WWOX: variants seen among roughly 807,000 people sequenced by gnomAD.
WWOX encodes WW domain-containing oxidoreductase.
A neutral mutation model predicts 46.2 loss-of-function variants in WWOX; 69 were observed. That is an observed-to-expected ratio of 1.49 (90% CI 1.23 to 1.82). The LOEUF is 1.82. Ranked by LOEUF, WWOX falls within the 40% of genes most tolerant of loss-of-function variation. WWOX has a pLI of 0.00. For missense variants in WWOX, 919 were observed against 542.6 expected, an observed-to-expected ratio of 1.69 and a Z score of -6.89; for synonymous variants, 359 against 202.6, an observed-to-expected ratio of 1.77 and a Z score of -6.56.
intron 8 of WWOX, among the ~76,000 whole-genome samples, chr16:79,134,872 A>T (rs571883663): frequency 6.6e-6 from 1 of 152,310 alleles, no homozygotes; most frequent in African/African-American, 2.4e-5. Flanking sequence ...GGAGAAAGCA[A>T]CTGCATTCCC....
At chr16:79,031,628 TGAG>T (rs2047756170) in intron 8 of WWOX, among the ~76,000 whole-genome samples, 1 of 151,658 alleles carries the variant, frequency 6.6e-6, no homozygotes, top group African/African-American at 2.4e-5. Context: ...TTTTTAAAAT[TGAG>T]GTAAATTTAC....
At chr16:78,617,648 T>TGCTCCTCAA (rs1954940729) in intron 8 of WWOX, among the ~76,000 whole-genome samples, 1 of 152,122 alleles carries the variant, frequency 6.6e-6, no homozygotes, top group Non-Finnish European at 1.5e-5. Context: ...TGAGTCCCCC[T>TGCTCCTCAA]GCTCCTCAAG....
At chr16:79,126,368 C>T (rs1002182001) in intron 8 of WWOX, among the ~76,000 whole-genome samples, 5 of 152,172 alleles carry the variant, frequency 3.3e-5, no homozygotes, top group African/African-American at 9.6e-5. Context: ...GTAATCCCCA[C>T]GTGTCAAAGG....
At chr16:79,154,925 A>G (rs2050351726) in intron 8 of WWOX, among the ~76,000 whole-genome samples, 1 of 152,232 alleles carries the variant, frequency 6.6e-6, no homozygotes, top group African/African-American at 2.4e-5. Flanking sequence ...TGAAAGAAAG[A>G]AAGAAGAGGA....
At chr16:78,544,492 C>G (rs1262446421) in intron 8 of WWOX, among the ~76,000 whole-genome samples, 1 of 152,196 alleles carries the variant, frequency 6.6e-6, no homozygotes, top group Non-Finnish European at 1.5e-5. Context: ...AGTCACAGAG[C>G]TGCTGAGTGG....
intron 5 of WWOX, among the ~76,000 whole-genome samples, chr16:78,204,494 T>G (rs541470191): frequency 7.3e-6 from 1 of 137,638 alleles, no homozygotes; most frequent in South Asian, 2.4e-4. Context: ...TGTCAAATAG[T>G]AGGTCTTATT....
intron 8 of WWOX, among the ~76,000 whole-genome samples, chr16:78,851,054 G>C (rs2052430969): frequency 6.6e-6 from 1 of 152,190 alleles, no homozygotes; most frequent in Non-Finnish European, 1.5e-5. Context: ...ATTTGAAAGA[G>C]GGTAGGTGTG....
At chr16:78,607,002 T>A (rs1309547369) in intron 8 of WWOX, among the ~76,000 whole-genome samples, 3 of 152,150 alleles carry the variant, frequency 2.0e-5, no homozygotes, top group Non-Finnish European at 4.4e-5. Context: ...TGTTTTTGTC[T>A]GTCTGCCCAC....
chr16:78,423,291 CAT>C (rs912217804), intron 6 of WWOX, among the ~76,000 whole-genome samples: 1 of 152,066 alleles, frequency 6.6e-6, no homozygotes, highest in African/African-American at 2.4e-5. Context: ...TATTTTATAA[CAT>C]AAATGTTTTA....
intron 5 of WWOX, among the ~76,000 whole-genome samples, chr16:78,259,396 G>A (rs112346518): frequency 0.1 from 15,972 of 152,122 alleles, 1,030 homozygotes; most frequent in Admixed American, 0.14. Flanking sequence ...GCACAATCTC[G>A]GCTGACTGCA....
chr16:78,697,595 A>G (rs940283071), intron 8 of WWOX, among the ~76,000 whole-genome samples: 1 of 152,184 alleles, frequency 6.6e-6, no homozygotes, highest in Non-Finnish European at 1.5e-5. Flanking sequence ...GGCTAAGGAC[A>G]TGAATAGACA....
chr16:78,565,377 G>A (rs535639512), intron 8 of WWOX, among the ~76,000 whole-genome samples: 9 of 152,292 alleles, frequency 5.9e-5, no homozygotes, highest in East Asian at 1.9e-4. Context: ...GTTTCCTTGC[G>A]TTTTTCATCT....
intron 8 of WWOX, among the ~76,000 whole-genome samples, chr16:79,059,690 T>G (rs1255633336): frequency 6.6e-6 from 1 of 152,156 alleles, no homozygotes; most frequent in East Asian, 1.9e-4. Flanking sequence ...GAGATGGGGT[T>G]TCACTATGTT....
intron 8 of WWOX, among the ~76,000 whole-genome samples, chr16:78,555,727 G>T (rs143515608): frequency 0.011 from 1,684 of 151,972 alleles, 24 homozygotes; most frequent in Non-Finnish European, 0.013. Flanking sequence ...AGTTCCAAAT[G>T]ACTCCACATT....
At chr16:79,099,410 G>A (rs2049144599) in intron 8 of WWOX, among the ~76,000 whole-genome samples, 1 of 152,232 alleles carries the variant, frequency 6.6e-6, no homozygotes, top group Admixed American at 6.5e-5. Context: ...ACCATAAGGA[G>A]TGGTGGAGAC....
At chr16:78,711,918 G>C (rs11643946) in intron 8 of WWOX, among the ~76,000 whole-genome samples, 10,232 of 152,168 alleles carry the variant, frequency 0.067, 516 homozygotes, top group Non-Finnish European at 0.11. Flanking sequence ...TCAGAACAAA[G>C]CTCTCTTGGA....
intron 8 of WWOX, among the ~76,000 whole-genome samples, chr16:78,903,976 G>A (rs1415696844): frequency 6.6e-6 from 1 of 152,260 alleles, no homozygotes; most frequent in African/African-American, 2.4e-5. Flanking sequence ...GACTCCTTGT[G>A]TGTAGTAAAT....
chr16:78,431,874 A>G (rs2083226034), intron 7 of WWOX, among the ~76,000 whole-genome samples: 3 of 151,916 alleles, frequency 2.0e-5, no homozygotes, highest in East Asian at 3.9e-4. Flanking sequence ...GTGCCAAAAT[A>G]CTCAACTAAT....
At chr16:78,263,981 G>A (rs1597419202) in intron 5 of WWOX, among the ~76,000 whole-genome samples, 1 of 100,670 alleles carries the variant, frequency 9.9e-6, no homozygotes, top group Non-Finnish European at 1.9e-5. Context: ...AGAAATATGT[G>A]TTTGGCTGTG....
Sources: gnomAD v4.1 joint callset for allele counts (sites outside exome capture counted in the v4.1 genomes callset) on GRCh38, gnomAD v4.1.1 for gene constraint, MANE v1.5 for transcripts, NCBI Gene and HGNC (gene_info 2026-07-23, HGNC 2026-07-21) for gene names.